The following ZNF385D variants were observed in gnomAD, a reference collection of about 807,000 sequenced individuals.
The protein encoded by ZNF385D is zinc finger protein 659.
A neutral mutation model predicts 35.8 loss-of-function variants in ZNF385D; 15 were observed. The observed-to-expected ratio is 0.42, with a 90% confidence interval of 0.28 to 0.64. ZNF385D has a LOEUF of 0.64. Among genes scored for constraint, ZNF385D ranks in the 30% least tolerant of loss-of-function variants. The probability of loss-of-function intolerance (pLI) is 0.23; values close to 1 mark genes in which losing one functional copy is unlikely to be tolerated. For synonymous variants in ZNF385D, 212 were observed against 186.8 expected (o/e 1.13, Z -1.10); for missense variants, 474 against 494.6 (o/e 0.96, Z 0.39).
chr3:21,427,711 T>C (rs1175359978), intron 5 of ZNF385D, among the ~76,000 whole-genome samples: 2 of 152,182 alleles, frequency 1.3e-5, no homozygotes, highest in East Asian at 3.9e-4. Flanking sequence ...TCATGTTTTT[T>C]AGAGGAAGAA....
chr3:22,322,416 T>C (rs1694483009), intron 2 of ZNF385D, among the ~76,000 whole-genome samples: 1 of 152,174 alleles, frequency 6.6e-6, no homozygotes, highest in African/African-American at 2.4e-5. Context: ...TATTTCACTG[T>C]CCTCTATCTC....
chr3:22,028,255 TAATAATCAAGTAG>T (rs1389239894), intron 3 of ZNF385D, among the ~76,000 whole-genome samples: 1 of 152,184 alleles, frequency 6.6e-6, no homozygotes, highest in Non-Finnish European at 1.5e-5. Context: ...AAGAGAATTT[TAATAATCAAGTAG>T]ATAGAATGAC....
At chr3:21,752,014 T>TCCCCTC (rs2070123541), upstream of ZNF385D, among the ~76,000 whole-genome samples, 1 of 72,178 alleles carries the variant, frequency 1.4e-5, no homozygotes, top group Admixed American at 1.6e-4. Flanking sequence ...CCCACCCCCC[T>TCCCCTC]CCCCCCCCCA....
In ZNF385D at chr3:22,164,216, C is replaced by CTTTTTTTTTTTTTTTTT. The variant is rs571978176; in HGVS notation, c.325+4584_325+4600dup. Among the ~76,000 whole-genome samples the CTTTTTTTTTTTTTTTTT allele has an allele frequency of 3.6e-3, 271 of 74,940 alleles. 27 individuals carry two copies. The highest frequency in any genetic ancestry group is 5.8e-3 in the East Asian group (10 of 1,738). The allele number at this position is 74,940 out of a possible 152,430, so 49.2% of individuals were successfully genotyped here. ...CACTATAGGTAATACAAAAGGAGCACTTTTTTTTTTTTTTTTTTTTTTTTT... is the reference window on the plus strand; with the variant it reads ...CACTATAGGTAATACAAAAGGAGCACTTTTTTTTTTTTTTTTTTTTTTTTTTTTTTTTTTTTTTTTTT... On this transcript the variant is annotated intron_variant, in intron 3 of 5. Coordinates refer to the ZNF385D transcript ENST00000494108.
chr3:22,350,331 A>T (rs1436868697), intron 2 of ZNF385D, among the ~76,000 whole-genome samples: 1 of 152,132 alleles, frequency 6.6e-6, no homozygotes, highest in Non-Finnish European at 1.5e-5. Flanking sequence ...CTCAGTAAAA[A>T]TTTCTTTGTG....
At chr3:22,005,083 A>AAAAAAAAAAAAAAAAC (rs1553717904) in intron 3 of ZNF385D, among the ~76,000 whole-genome samples, 1 of 117,312 alleles carries the variant, frequency 8.5e-6, no homozygotes, top group African/African-American at 3.5e-5. Context: ...AAAAAAAAAA[A>AAAAAAAAAAAAAAAAC]AGGCAGAAAA....
At chr3:22,223,752 C>T (rs1667666282) in intron 2 of ZNF385D, among the ~76,000 whole-genome samples, 2 of 152,154 alleles carry the variant, frequency 1.3e-5, no homozygotes, top group South Asian at 2.1e-4. Flanking sequence ...GTGAGTGGAA[C>T]ATTTTCATGT....
chr3:21,912,023 G>A (rs1393760441), intron 3 of ZNF385D, among the ~76,000 whole-genome samples: 2 of 151,810 alleles, frequency 1.3e-5, no homozygotes, highest in African/African-American at 4.8e-5. Flanking sequence ...AATTATATTT[G>A]AACTAAACAA....
At chr3:22,114,864 T>C (rs1053247106) in intron 3 of ZNF385D, among the ~76,000 whole-genome samples, 1 of 151,990 alleles carries the variant, frequency 6.6e-6, no homozygotes, top group Non-Finnish European at 1.5e-5. Context: ...AAGACATTCA[T>C]AAAAGAGCCT....
chr3:21,429,101 G>A (rs147272328), intron 5 of ZNF385D, among the ~76,000 whole-genome samples: 65 of 151,380 alleles, frequency 4.3e-4, no homozygotes, highest in African/African-American at 1.5e-3. Flanking sequence ...TTTGGTACTG[G>A]CATAAAGGAA....
intron 2 of ZNF385D, among the ~76,000 whole-genome samples, chr3:22,238,817 T>C (rs990963806): frequency 1.3e-5 from 2 of 150,880 alleles, no homozygotes; most frequent in African/African-American, 4.9e-5. Flanking sequence ...ACTGCAGCCT[T>C]GAACTCCTAG....
At chr3:22,326,493 C>CT (rs1694686321) in intron 2 of ZNF385D, among the ~76,000 whole-genome samples, 1 of 152,124 alleles carries the variant, frequency 6.6e-6, no homozygotes, top group African/African-American at 2.4e-5. Context: ...AGTGTTATCA[C>CT]TTTCAGGTAT....
chr3:22,006,201 A>C (rs891959105), intron 3 of ZNF385D, among the ~76,000 whole-genome samples: 3 of 152,116 alleles, frequency 2.0e-5, no homozygotes, highest in African/African-American at 7.2e-5. Context: ...GCAGAGTTTT[A>C]ATTTTTGAGA....
intron 3 of ZNF385D, among the ~76,000 whole-genome samples, chr3:21,789,556 A>G (rs563102543): frequency 6.6e-6 from 1 of 152,206 alleles, no homozygotes; most frequent in African/African-American, 2.4e-5. Flanking sequence ...ACATATATAC[A>G]GATTAATAAA....
intron 2 of ZNF385D, among the ~76,000 whole-genome samples, chr3:21,581,320 A>G (rs943688677): frequency 1.3e-5 from 2 of 152,014 alleles, no homozygotes; most frequent in South Asian, 4.1e-4. Flanking sequence ...TCCAAATGCA[A>G]TTGTTTCCAG....
At chr3:21,440,349 C>G (rs983733563) in intron 4 of ZNF385D, among the ~76,000 whole-genome samples, 1 of 152,072 alleles carries the variant, frequency 6.6e-6, no homozygotes, top group African/African-American at 2.4e-5. Flanking sequence ...TAACCCCTGT[C>G]TAACCATGAG....
chr3:21,528,732 C>T (rs1229619785), intron 3 of ZNF385D, among the ~76,000 whole-genome samples: 3 of 151,984 alleles, frequency 2.0e-5, no homozygotes, highest in Admixed American at 2.0e-4. Context: ...TATACAGCAG[C>T]CAGAGTTACA....
chr3:22,208,109 G>A (rs1170124404), intron 2 of ZNF385D, among the ~76,000 whole-genome samples: 1 of 151,832 alleles, frequency 6.6e-6, no homozygotes, highest in Non-Finnish European at 1.5e-5. Flanking sequence ...AATCAGTATA[G>A]CAAAGAGATA....
intron 2 of ZNF385D, among the ~76,000 whole-genome samples, chr3:21,636,389 TATATATATATATATATATATATATA>T (rs1293829041): frequency 4.4e-4 from 14 of 32,018 alleles, no homozygotes; most frequent in Admixed American, 3.9e-3. Flanking sequence ...TATATATATA[TATATATATATATATATATATATATA>T]GAGTTTCTTA....
Sources: gnomAD v4.1 joint callset for allele counts (sites outside exome capture counted in the v4.1 genomes callset) on GRCh38, gnomAD v4.1.1 for gene constraint, MANE v1.5 for transcripts, NCBI Gene and HGNC (gene_info 2026-07-23, HGNC 2026-07-21) for gene names.